The following C12orf54 variants were observed in gnomAD, a reference collection of about 807,000 sequenced individuals.
C12orf54 encodes the protein uncharacterized protein C12orf54.
In C12orf54, 24 loss-of-function variants were observed where a neutral mutation model predicts 26.4. The ratio of observed to expected loss-of-function variants is 0.91; its 90% CI spans 0.66 to 1.28. The LOEUF is 1.28. Among genes scored for constraint, C12orf54 ranks in the 50% most tolerant of loss-of-function variants. The pLI is 0.00. For synonymous variants in C12orf54, 54 were observed against 47.0 expected (o/e 1.15, Z -0.61); for missense variants, 154 against 150.9 (o/e 1.02, Z -0.11).
the C12orf54 span, among the ~76,000 whole-genome samples, chr12:48,426,271 A>G: frequency 1.5e-4 from 23 of 152,194 alleles, no homozygotes; most frequent in African/African-American, 5.5e-4. Context: ...TTGTAGTATA[A>G]GAAAGGGGTC....
the C12orf54 span, among the ~76,000 whole-genome samples, chr12:48,421,354 G>A: frequency 3.4e-5 from 5 of 148,208 alleles, no homozygotes; most frequent in Admixed American, 2.7e-4. Context: ...CAATAAAGTA[G>A]CAATGACAAC....
At chr12:48,441,708 T>G in the C12orf54 span, among the ~76,000 whole-genome samples, 1 of 152,216 alleles carries the variant, frequency 6.6e-6, no homozygotes, top group Non-Finnish European at 1.5e-5. Flanking sequence ...TTTACCATAC[T>G]GTGTATAATA....
At chr12:48,452,827 A>G in the C12orf54 span, among the ~76,000 whole-genome samples, 2 of 152,068 alleles carry the variant, frequency 1.3e-5, no homozygotes, top group Admixed American at 6.6e-5. Context: ...CAGAATGTCT[A>G]TTATTAAAAA....
the C12orf54 span, among the ~76,000 whole-genome samples, chr12:48,473,916 G>C: frequency 2.0e-5 from 3 of 152,122 alleles, no homozygotes; most frequent in South Asian, 2.1e-4. Flanking sequence ...GCAACCTAAA[G>C]GTGTATTTTG....
At chr12:48,440,927 G>A in the C12orf54 span, among the ~76,000 whole-genome samples, 2 of 152,148 alleles carry the variant, frequency 1.3e-5, no homozygotes, top group East Asian at 1.9e-4. Flanking sequence ...TTCATGTATG[G>A]AGTCTGGGGT....
chr12:48,461,410 T>C, the C12orf54 span, among the ~76,000 whole-genome samples: 3 of 152,012 alleles, frequency 2.0e-5, no homozygotes, highest in African/African-American at 7.2e-5. Flanking sequence ...TATGTAATTC[T>C]CCACCCAACA....
At chr12:48,446,922 T>C in the C12orf54 span, among the ~76,000 whole-genome samples, 1 of 152,202 alleles carries the variant, frequency 6.6e-6, no homozygotes, top group East Asian at 1.9e-4. Flanking sequence ...TTTTAGTGAC[T>C]CAAAAGATAG....
At chr12:48,428,414 A>G in the C12orf54 span, among the ~76,000 whole-genome samples, 15 of 152,244 alleles carry the variant, frequency 9.9e-5, no homozygotes, top group African/African-American at 3.6e-4. Flanking sequence ...AAAGTGATAG[A>G]CCATTAGCAA....
At chr12:48,436,933 C>T in the C12orf54 span, among the ~76,000 whole-genome samples, 17 of 152,112 alleles carry the variant, frequency 1.1e-4, no homozygotes, top group Non-Finnish European at 2.9e-5. Context: ...AATAGAGACA[C>T]AACAAACCCT....
the C12orf54 span, chr12:48,473,617 A>C: frequency 3.0e-4 from 76 of 257,274 alleles, no homozygotes; most frequent in Non-Finnish European, 5.0e-4. Flanking sequence ...TTTTACTGCC[A>C]CTCTTTATTT....
the C12orf54 span, among the ~76,000 whole-genome samples, chr12:48,421,847 T>A: frequency 1.7e-4 from 26 of 152,148 alleles, no homozygotes; most frequent in African/African-American, 5.6e-4. Flanking sequence ...TGAATTATTG[T>A]TGTGAGTGGT....
chr12:48,463,240 A>T, the C12orf54 span, among the ~76,000 whole-genome samples: 1 of 152,036 alleles, frequency 6.6e-6, no homozygotes, highest in South Asian at 2.1e-4. Flanking sequence ...GCTAAGGGGG[A>T]TATTACTGCT....
chr12:48,440,709 A>G, the C12orf54 span, among the ~76,000 whole-genome samples: 1 of 152,232 alleles, frequency 6.6e-6, no homozygotes. Flanking sequence ...GGATAAACCA[A>G]CATGTTATTT....
chr12:48,434,993 AAAG>A, the C12orf54 span, among the ~76,000 whole-genome samples: 1 of 152,206 alleles, frequency 6.6e-6, no homozygotes, highest in Non-Finnish European at 1.5e-5. Context: ...AACCAATGGC[AAAG>A]AAGTTAAAAA....
At chr12:48,448,000 C>T in the C12orf54 span, among the ~76,000 whole-genome samples, 1 of 151,336 alleles carries the variant, frequency 6.6e-6, no homozygotes, top group East Asian at 1.9e-4. Flanking sequence ...GGAGCAAAGA[C>T]CAGCCCCCAG....
chr12:48,491,139 C>T (rs559489806), intron 6 of C12orf54, among the ~76,000 whole-genome samples: 11 of 152,302 alleles, frequency 7.2e-5, no homozygotes, highest in South Asian at 2.1e-4. Context: ...GCTGCTAGAA[C>T]GGAATACCAT....
the C12orf54 span, among the ~76,000 whole-genome samples, chr12:48,465,284 T>C: frequency 6.6e-6 from 1 of 151,980 alleles, no homozygotes; most frequent in African/African-American, 2.4e-5. Context: ...AAAGAAGACA[T>C]ACATGCAGCC....
At chr12:48,416,729 G>A in the C12orf54 span, among the ~76,000 whole-genome samples, 3 of 152,054 alleles carry the variant, frequency 2.0e-5, no homozygotes, top group East Asian at 5.8e-4. Flanking sequence ...GGGCATGGTG[G>A]CGGGCATCTG....
chr12:48,431,214 T>G, the C12orf54 span, among the ~76,000 whole-genome samples: 3 of 152,180 alleles, frequency 2.0e-5, no homozygotes, highest in East Asian at 3.9e-4. Context: ...AGGTGATGGG[T>G]ACACCAAAAT....
Sources: allele counts gnomAD v4.1 joint callset (sites outside exome capture counted in the v4.1 genomes callset), GRCh38; gene constraint gnomAD v4.1.1; transcripts MANE v1.5; gene names NCBI Gene and HGNC (gene_info 2026-07-23, HGNC 2026-07-21).